Variants in KPNA1 observed in about 807,000 individuals in gnomAD.
KPNA1 encodes the protein importin subunit alpha-5.
A neutral mutation model predicts 70.5 loss-of-function variants in KPNA1; 10 were observed. That is an observed-to-expected ratio of 0.14 (90% CI 0.09 to 0.24). The LOEUF (loss-of-function observed/expected upper bound fraction) is 0.24, where lower values mean the gene tolerates loss of function less well. KPNA1 is among the 10% of genes least tolerant of loss of function. The pLI, the probability that KPNA1 is intolerant of heterozygous loss-of-function variation, is 1.00. For synonymous variants in KPNA1, 192 were observed against 221.9 expected (o/e 0.87, Z 1.20); for missense variants, 397 against 637.9 (o/e 0.62, Z 4.07).
At chr3:122,449,266 C>T (rs2076173370) in intron 9 of KPNA1, among the ~76,000 whole-genome samples, 1 of 152,118 alleles carries the variant, frequency 6.6e-6, no homozygotes, top group Non-Finnish European at 1.5e-5. Flanking sequence ...ATTTTAGTGG[C>T]AGTATGCCTT....
intron 5 of KPNA1, among the ~76,000 whole-genome samples, chr3:122,458,581 C>T (rs1026864262): frequency 6.6e-6 from 1 of 152,222 alleles, no homozygotes; most frequent in African/African-American, 2.4e-5. Flanking sequence ...CAAATTTCCT[C>T]TTGGCACCAC....
intron 1 of KPNA1, among the ~76,000 whole-genome samples, chr3:122,502,897 C>T (rs1159479444): frequency 6.6e-6 from 1 of 151,980 alleles, no homozygotes; most frequent in Non-Finnish European, 1.5e-5. Context: ...GTGGGAGGAT[C>T]ACTTGAGCCG....
intron 1 of KPNA1, among the ~76,000 whole-genome samples, chr3:122,508,425 A>G (rs2076915500): frequency 1.3e-5 from 2 of 152,190 alleles, no homozygotes; most frequent in Non-Finnish European, 2.9e-5. Context: ...AGTCTACAAA[A>G]CAGCCATCAC....
chr3:122,484,013 G>C (rs2076601439), intron 2 of KPNA1, among the ~76,000 whole-genome samples: 2 of 152,092 alleles, frequency 1.3e-5, no homozygotes, highest in African/African-American at 4.8e-5. Flanking sequence ...CCTTGATCAT[G>C]GCTCTCCCTA....
At chr3:122,509,147 G>C (rs971070213) in intron 1 of KPNA1, among the ~76,000 whole-genome samples, 4 of 151,732 alleles carry the variant, frequency 2.6e-5, no homozygotes, top group African/African-American at 7.3e-5. Context: ...TCGTGAGGCT[G>C]AGTCAGAACA....
intron 12 of KPNA1, among the ~76,000 whole-genome samples, chr3:122,428,815 T>C (rs1196368959): frequency 6.7e-6 from 1 of 149,366 alleles, no homozygotes; most frequent in Admixed American, 6.7e-5. Context: ...AAAACGATAC[T>C]AGTATTCTAC....
At chr3:122,495,262 C>CAAAAAA (rs748751423) in intron 2 of KPNA1, among the ~76,000 whole-genome samples, 1 of 86,494 alleles carries the variant, frequency 1.2e-5, no homozygotes, top group South Asian at 3.8e-4. Context: ...TCAAACAAAC[C>CAAAAAA]AAAAAAAAAA....
intron 1 of KPNA1, among the ~76,000 whole-genome samples, chr3:122,507,476 T>C (rs1057032804): frequency 3.3e-5 from 5 of 151,198 alleles, no homozygotes; most frequent in African/African-American, 1.2e-4. Flanking sequence ...GATATCAGCA[T>C]ATAAAATTTG....
intron 2 of KPNA1, among the ~76,000 whole-genome samples, chr3:122,489,050 T>TTTTGTG (rs1553792383): frequency 1.1e-4 from 10 of 88,792 alleles, no homozygotes; most frequent in African/African-American, 3.8e-4. Flanking sequence ...GTGGGTTTTT[T>TTTTGTG]TGCGTGCGTG....
intron 10 of KPNA1, among the ~76,000 whole-genome samples, chr3:122,441,274 G>A (rs2076058759): frequency 6.6e-6 from 1 of 152,202 alleles, no homozygotes; most frequent in Non-Finnish European, 1.5e-5. Context: ...CTAGAACAAT[G>A]CACTGTGAAT....
intron 1 of KPNA1, among the ~76,000 whole-genome samples, chr3:122,501,690 C>T (rs2076831126): frequency 6.6e-6 from 1 of 152,096 alleles, no homozygotes; most frequent in Admixed American, 6.5e-5. Flanking sequence ...TTTGAAAATA[C>T]ATATTTTTGA....
chr3:122,495,688 G>C (rs1263022222), intron 2 of KPNA1, among the ~76,000 whole-genome samples: 1 of 145,530 alleles, frequency 6.9e-6, no homozygotes, highest in African/African-American at 2.5e-5. Flanking sequence ...CTATAGTGAG[G>C]GTCAAATGGT....
chr3:122,426,971 A>G lies in KPNA1; in HGVS notation c.*14T>C. The G allele has an allele frequency of 1.9e-6, 3 of 1,610,930 alleles. No individual in the cohort carries two copies. The South Asian group carries it at 3.3e-5, about 18-fold the overall frequency. On this transcript the variant is annotated 3_prime_UTR_variant, in exon 14 of 14. Coordinates refer to ENST00000344337, the MANE Select transcript of KPNA1 (RefSeq NM_002264.4). ...GCCTGGTCTGACACAGGTACGTGAA[A>G]GCAGAGTATTGCTTCAAAGCTGGAA...
At chr3:122,493,140 C>A (rs1217179277) in intron 2 of KPNA1, among the ~76,000 whole-genome samples, 1 of 152,200 alleles carries the variant, frequency 6.6e-6, no homozygotes, top group Admixed American at 6.5e-5. Flanking sequence ...TAATCCACTA[C>A]ACTATTCTAG....
At chr3:122,511,980 T>TAAAGGGA (rs151138421) in intron 1 of KPNA1, among the ~76,000 whole-genome samples, 33,771 of 151,608 alleles carry the variant, frequency 0.22, 4,153 homozygotes, top group Non-Finnish European at 0.27. Flanking sequence ...TTCTCAAATG[T>TAAAGGGA]AAAGGGAAAA....
At position 122,514,759 on chromosome 3, in the gene KPNA1, G is replaced by C. The variant is rs1479579522; in HGVS notation, c.-8C>G. 1 of 152,294 alleles carries C rather than the reference G, an allele frequency of 6.6e-6. No homozygotes were observed. The highest frequency in any genetic ancestry group is 1.5e-5 in the Non-Finnish European group (1 of 68,326). The allele number at this position is 152,294 out of a possible 1,614,324, so 9.4% of individuals were successfully genotyped here. A position where few individuals can be genotyped will look rare whatever the true frequency, so the allele number is the denominator to read the frequency against. ...GGCCGCAAGGCCCCAGCACTCACCA[G>C]GCTCAAGGCAACCGATCCCGGTGCC... is the stretch of plus-strand genomic sequence containing the variant. On this transcript the variant is annotated splice_region_variant and 5_prime_UTR_variant, in exon 1 of 14. Transcript: ENST00000344337.
intron 2 of KPNA1, among the ~76,000 whole-genome samples, chr3:122,490,334 T>C (rs1207806905): frequency 3.3e-5 from 5 of 152,372 alleles, no homozygotes; most frequent in African/African-American, 1.2e-4. Flanking sequence ...TCACAGGATT[T>C]ATCTCATTTG....
Position 122,426,918 on chromosome 3 carries a change from G to A in KPNA1, c.*67C>T, listed in dbSNP as rs1475439404. Reference sequence around the variant, plus strand: ...GAGAAGTTAGCTCCATGAGGACTGTGGGCTCCACAAGAGGACTCGACTGGG... The same window carrying A: ...GAGAAGTTAGCTCCATGAGGACTGTAGGCTCCACAAGAGGACTCGACTGGG... On this transcript the variant is annotated 3_prime_UTR_variant, in exon 14 of 14. Coordinates refer to ENST00000344337, the MANE Select transcript of KPNA1 (RefSeq NM_002264.4). The A allele has an allele frequency of 2.8e-5, 36 of 1,269,644 alleles. No homozygotes were observed. The highest frequency in any genetic ancestry group is 4.5e-5 in the African/African-American group (3 of 67,334). 78.6% of individuals were successfully genotyped at this position (1,269,644 alleles called of 1,614,324 possible).
intron 12 of KPNA1, among the ~76,000 whole-genome samples, chr3:122,431,357 A>G (rs2075904620): frequency 6.6e-6 from 1 of 152,162 alleles, no homozygotes; most frequent in South Asian, 2.1e-4. Flanking sequence ...AGGTTTCTCC[A>G]TGTTAGCTAG....
Sources: gnomAD v4.1 joint callset for allele counts (sites outside exome capture counted in the v4.1 genomes callset) on GRCh38, gnomAD v4.1.1 for gene constraint, MANE v1.5 for transcripts, NCBI Gene and HGNC (gene_info 2026-07-23, HGNC 2026-07-21) for gene names.